Variants in JAK1 observed in about 807,000 individuals in gnomAD.
JAK1 encodes the protein Janus kinase 1.
In JAK1, 16 loss-of-function variants were observed where a neutral mutation model predicts 136.6. The observed-to-expected ratio is 0.12, with a 90% CI of 0.08 to 0.18. The LOEUF is 0.18. Among genes scored for constraint, JAK1 ranks in the 10% least tolerant of loss-of-function variants. JAK1 has a pLI of 1.00. For missense variants in JAK1, 859 were observed against 1,450.1 expected (o/e 0.59, Z 6.62); for synonymous variants, 492 against 519.5 (o/e 0.95, Z 0.72).
At chr1:64,945,766 T>A (rs1236772586) in intron 1 of JAK1, among the ~76,000 whole-genome samples, 1 of 151,692 alleles carries the variant, frequency 6.6e-6, no homozygotes, top group Non-Finnish European at 1.5e-5. Context: ...TCTTGCTCTG[T>A]CGCCCAGGCT....
rs1212786401 is a variant in JAK1 at position 64,984,710 on chromosome 1, T to C, written c.-78+59770A>G. 1 of 726,882 alleles carries C rather than the reference T, an allele frequency of 1.4e-6. No homozygotes were observed. Among genetic ancestry groups the C allele is most frequent in the Non-Finnish European group, 2.3e-6 (1 of 432,036 alleles). The allele number at this position is 726,882 out of a possible 1,614,324, so 45.0% of individuals were successfully genotyped here. On this transcript the variant is annotated intron_variant, in intron 2 of 25. Coordinates refer to the JAK1 transcript ENST00000671954. The surrounding 1 kb of genome is among the most constrained non-coding windows in gnomAD (Gnocchi z 4.1). ...CGTGTGCCTGCCCCTCAAAGGCCTA[T>C]GTGATATCCTTGAAAGTCCTGTAAC...
intron 2 of JAK1, among the ~76,000 whole-genome samples, chr1:65,005,187 T>C (rs1200481343): frequency 2.0e-5 from 3 of 151,934 alleles, no homozygotes; most frequent in Non-Finnish European, 4.4e-5. Context: ...CTACTAAAAA[T>C]ACAAAAATTA....
At chr1:64,894,787 C>T (rs1184281843) in intron 1 of JAK1, among the ~76,000 whole-genome samples, 1 of 150,314 alleles carries the variant, frequency 6.7e-6, no homozygotes, top group Non-Finnish European at 1.5e-5. Context: ...AAAAAACAAA[C>T]AAAAAAAAAC....
chr1:65,040,438 G>A (rs894535785), intron 2 of JAK1, among the ~76,000 whole-genome samples: 1 of 152,020 alleles, frequency 6.6e-6, no homozygotes, highest in Non-Finnish European at 1.5e-5. Flanking sequence ...TAAGAACCCT[G>A]TGATTACCCT....
intron 2 of JAK1, among the ~76,000 whole-genome samples, chr1:65,026,638 G>T (rs1646979747): frequency 1.3e-5 from 2 of 152,304 alleles, no homozygotes; most frequent in Admixed American, 6.5e-5. Flanking sequence ...TGAGCTTCTA[G>T]AGGAGTTGCT....
chr1:65,019,193 T>C (rs1020675655), intron 2 of JAK1, among the ~76,000 whole-genome samples: 1 of 151,886 alleles, frequency 6.6e-6, no homozygotes, highest in Non-Finnish European at 1.5e-5. Context: ...CATAAACACA[T>C]ACAAGAAGGA....
chr1:64,916,081 C>G (rs1021032881), intron 1 of JAK1, among the ~76,000 whole-genome samples: 1 of 152,166 alleles, frequency 6.6e-6, no homozygotes, highest in African/African-American at 2.4e-5. Flanking sequence ...AGTTCACAAG[C>G]CCGAGGCACA....
At position 64,928,787 on chromosome 1, in the gene JAK1, A is replaced by AAAAAAAAC. The variant is rs1553170003; in HGVS notation, c.-78+37545_-78+37546insGTTTTTTT. ...GTGCTATAAAACTCTGCAAAAAAAA[A>AAAAAAAAC]AAAAAAAAACAAAAAAAAAAAACTC... is the stretch of plus-strand genomic sequence containing the variant. On this transcript the variant is annotated intron_variant, in intron 1 of 24. Transcript: ENST00000342505. Among the ~76,000 whole-genome samples, 257 of 92,432 alleles carry AAAAAAAAC rather than the reference A, an allele frequency of 2.8e-3. 2 individuals are homozygous for AAAAAAAAC. Among genetic ancestry groups the AAAAAAAAC allele is most frequent in the East Asian group, 0.01 (24 of 2,322 alleles). The allele number at this position is 92,432 out of a possible 152,430, so 60.6% of individuals were successfully genotyped here.
intron 2 of JAK1, among the ~76,000 whole-genome samples, chr1:65,043,700 ATT>A (rs112982943): frequency 1.9e-3 from 194 of 101,252 alleles, no homozygotes; most frequent in African/African-American, 5.5e-3. Context: ...CACCTGGCTA[ATT>A]TTTTTTTTTT....
chr1:65,019,648 G>A (rs1457534050), intron 2 of JAK1, among the ~76,000 whole-genome samples: 1 of 152,160 alleles, frequency 6.6e-6, no homozygotes, highest in East Asian at 1.9e-4. Context: ...CGGGCATGGT[G>A]GCTCACTCCT....
At chr1:64,901,976 T>G (rs1448623056) in intron 1 of JAK1, among the ~76,000 whole-genome samples, 1 of 152,212 alleles carries the variant, frequency 6.6e-6, no homozygotes, top group Non-Finnish European at 1.5e-5. Flanking sequence ...AATACTCTAT[T>G]GTATAGGGCA....
rs79649541 is a variant in JAK1, at chr1:64,934,581, C to A, written c.-78+31752G>T. On this transcript the variant is annotated intron_variant, in intron 1 of 24. Transcript: ENST00000342505. Reference sequence around the variant, plus strand: ...TTGTGGACCCACAAGAGTGCCCCCTCAACCTTGACTGTTCCCAAGGCTCTG... The same window carrying A: ...TTGTGGACCCACAAGAGTGCCCCCTAAACCTTGACTGTTCCCAAGGCTCTG... Among the ~76,000 whole-genome samples the A allele has an allele frequency of 3.7e-3, 561 of 152,332 alleles. 3 individuals are homozygous for A. The highest frequency in any genetic ancestry group is 0.013 in the African/African-American group (545 of 41,566).
chr1:64,978,393 A>ATTAGT (rs1215722939), intron 2 of JAK1, among the ~76,000 whole-genome samples: 1 of 152,264 alleles, frequency 6.6e-6, no homozygotes, highest in African/African-American at 2.4e-5. Context: ...AAAGATAAAC[A>ATTAGT]TTAGTTTATT....
At position 64,985,605 on chromosome 1, in the gene JAK1, A is replaced by G; in HGVS notation, c.-78+58875T>C. The G allele has an allele frequency of 2.2e-6, 2 of 904,428 alleles. 1 individual carries two copies. Among genetic ancestry groups the G allele is most frequent in the Admixed American group, 4.2e-5 (2 of 48,010 alleles). 56.0% of individuals were successfully genotyped at this position (904,428 alleles called of 1,614,324 possible). On this transcript the variant is annotated intron_variant, in intron 2 of 25. Coordinates refer to the JAK1 transcript ENST00000671954. ...AAAGATCTGGGCCACCAGAATTCCA[A>G]CAACAATGCCCAGCTGGTTGAGAGT... is the stretch of plus-strand genomic sequence containing the variant.
chr1:64,928,797 CAA>C (rs397953329), intron 1 of JAK1, among the ~76,000 whole-genome samples: 2 of 80,816 alleles, frequency 2.5e-5, no homozygotes, highest in African/African-American at 4.2e-5. Context: ...AAAAAAAAAA[CAA>C]AAAAAAAAAA....
chr1:65,056,530 C>A (rs1247764861), intron 1 of JAK1, among the ~76,000 whole-genome samples: 1 of 152,190 alleles, frequency 6.6e-6, no homozygotes, highest in Non-Finnish European at 1.5e-5. Flanking sequence ...CCCTTTCTTC[C>A]CCATTGTGTC....
chr1:65,052,861 C>A (rs1461441331), intron 1 of JAK1, among the ~76,000 whole-genome samples: 45 of 88,618 alleles, frequency 5.1e-4, no homozygotes, highest in South Asian at 7.9e-4. Flanking sequence ...GACTCCATCT[C>A]AAAAAAAAAA....
chr1:64,938,633 A>T (rs1645832983), intron 1 of JAK1, among the ~76,000 whole-genome samples: 1 of 152,226 alleles, frequency 6.6e-6, no homozygotes, highest in African/African-American at 2.4e-5. Flanking sequence ...CCATTTATAA[A>T]TCCCAAGAAC....
rs192522455 is a variant in JAK1 at position 64,924,892 on chromosome 1, T to C, written c.-77-38551A>G. On this transcript the variant is annotated intron_variant, in intron 1 of 24. Transcript: ENST00000342505. ...AGGATTTTTAGGGCAGTGAAAATAC[T>C]CTGTGTGATACAATGATGGGTACAT... Among the ~76,000 whole-genome samples the C allele has an allele frequency of 2.3e-3, 353 of 152,260 alleles. 4 individuals are homozygous for C. Among genetic ancestry groups the C allele is most frequent in the Admixed American group, 2.1e-3 (32 of 15,290 alleles).
Sources: allele counts gnomAD v4.1 joint callset (sites outside exome capture counted in the v4.1 genomes callset), GRCh38; gene constraint gnomAD v4.1.1; non-coding constraint Gnocchi (gnomAD v3.1); transcripts MANE v1.5; gene names NCBI Gene and HGNC (gene_info 2026-07-23, HGNC 2026-07-21).